MFHAS1: variants seen among roughly 807,000 people sequenced by gnomAD.
The protein encoded by MFHAS1 is multifunctional ROCO family signaling regulator 1, also known as malignant fibrous histiocytoma-amplified sequence 1.
Under a neutral mutation model 70.4 loss-of-function variants are expected in MFHAS1, and 50 were observed. The observed-to-expected ratio is 0.71, with a 90% confidence interval of 0.57 to 0.90. The LOEUF (loss-of-function observed/expected upper bound fraction) is 0.90, where lower values mean the gene tolerates loss of function less well. Ranked by LOEUF, MFHAS1 falls within the 40% of genes least tolerant of loss-of-function variation. The pLI, the probability that MFHAS1 is intolerant of heterozygous loss-of-function variation, is 0.00. For missense variants in MFHAS1, 1,795 were observed against 1,347.6 expected, an observed-to-expected ratio of 1.33 and a Z score of -5.20; for synonymous variants, 952 against 620.0, an observed-to-expected ratio of 1.54 and a Z score of -7.96.
chr8:8,888,198 G>A (rs1409145400), intron 1 of MFHAS1, among the ~76,000 whole-genome samples: 1 of 152,196 alleles, frequency 6.6e-6, no homozygotes, highest in Non-Finnish European at 1.5e-5. Context: ...TCAGTTGACT[G>A]GTAACTGAAT....
intron 1 of MFHAS1, among the ~76,000 whole-genome samples, chr8:8,867,306 T>C (rs1441850604): frequency 1.3e-5 from 2 of 152,128 alleles, no homozygotes; most frequent in African/African-American, 2.4e-5. Context: ...AAGTTAAAAA[T>C]ATACCCTCAC....
intron 1 of MFHAS1, among the ~76,000 whole-genome samples, chr8:8,858,732 T>C (rs1348824846): frequency 6.6e-6 from 1 of 151,912 alleles, no homozygotes; most frequent in East Asian, 1.9e-4. Context: ...GACCTGCATA[T>C]GAGATGAGCC....
intron 1 of MFHAS1, among the ~76,000 whole-genome samples, chr8:8,808,723 T>C (rs186362473): frequency 1.5e-4 from 23 of 152,334 alleles, no homozygotes; most frequent in African/African-American, 4.8e-4. Context: ...GAAAAAGACA[T>C]TACATTTGTG....
At chr8:8,865,228 G>C (rs1330686788) in intron 1 of MFHAS1, among the ~76,000 whole-genome samples, 3 of 123,986 alleles carry the variant, frequency 2.4e-5, no homozygotes, top group South Asian at 5.4e-4. Flanking sequence ...AGTAAGCCAA[G>C]ATTGTGCCAC....
intron 1 of MFHAS1, among the ~76,000 whole-genome samples, chr8:8,826,266 G>GTC (rs1024872007): frequency 6.6e-6 from 1 of 151,816 alleles, no homozygotes; most frequent in African/African-American, 2.4e-5. Flanking sequence ...GTGTGTGTGT[G>GTC]TGTGTGTGTG....
At chr8:8,880,101 C>T (rs758511021) in intron 1 of MFHAS1, among the ~76,000 whole-genome samples, 7 of 152,184 alleles carry the variant, frequency 4.6e-5, no homozygotes, top group Non-Finnish European at 7.3e-5. Flanking sequence ...GGCTTGGATG[C>T]CCTCCTTTCT....
At chr8:8,863,897 G>T (rs1808758282) in intron 1 of MFHAS1, among the ~76,000 whole-genome samples, 1 of 152,088 alleles carries the variant, frequency 6.6e-6, no homozygotes, top group Non-Finnish European at 1.5e-5. Context: ...AGATATCAAG[G>T]AGCTGAAACT....
intron 1 of MFHAS1, among the ~76,000 whole-genome samples, chr8:8,863,773 T>C (rs779705387): frequency 3.9e-5 from 6 of 152,164 alleles, no homozygotes; most frequent in Non-Finnish European, 7.3e-5. Context: ...ACTAATCTAT[T>C]AATATGCAGT....
intron 1 of MFHAS1, among the ~76,000 whole-genome samples, chr8:8,798,576 A>G (rs1805983582): frequency 6.6e-6 from 1 of 152,158 alleles, no homozygotes. Context: ...GCCTCAAGCA[A>G]TCCTCCCACC....
chr8:8,853,481 A>C (rs1808319901), intron 1 of MFHAS1, among the ~76,000 whole-genome samples: 1 of 151,660 alleles, frequency 6.6e-6, no homozygotes, highest in South Asian at 2.1e-4. Flanking sequence ...AAAAAAAAAA[A>C]AAAAAAAAAC....
chr8:8,853,444 G>A (rs1035503759), intron 1 of MFHAS1, among the ~76,000 whole-genome samples: 5 of 131,778 alleles, frequency 3.8e-5, no homozygotes, highest in African/African-American at 8.7e-5. Flanking sequence ...CTGGACAATC[G>A]CACAAGGTGT....
At chr8:8,838,541 G>A (rs1343749828) in intron 1 of MFHAS1, among the ~76,000 whole-genome samples, 4 of 152,104 alleles carry the variant, frequency 2.6e-5, no homozygotes, top group Non-Finnish European at 5.9e-5. Flanking sequence ...AGCTGGGCAC[G>A]TTGGCTCATG....
At chr8:8,889,927 C>G in intron 1 of MFHAS1, 134 bp downstream of exon 1, 1 of 708,058 alleles carries the variant, frequency 1.4e-6, no homozygotes, top group Non-Finnish European at 2.3e-6. Flanking sequence ...TCCAAATCTC[C>G]CTGTGTTTCC....
intron 1 of MFHAS1, among the ~76,000 whole-genome samples, chr8:8,800,711 A>G (rs551321300): frequency 1.3e-5 from 2 of 152,278 alleles, no homozygotes; most frequent in African/African-American, 2.4e-5. Flanking sequence ...ACACAGATGC[A>G]GCTTCTTTGG....
intron 1 of MFHAS1, among the ~76,000 whole-genome samples, chr8:8,821,346 T>C (rs1023768760): frequency 3.3e-5 from 5 of 152,254 alleles, no homozygotes; most frequent in Admixed American, 1.3e-4. Context: ...CCTGCATTTT[T>C]GGTTCTTGGA....
chr8:8,810,398 C>T (rs1199754009), intron 1 of MFHAS1, among the ~76,000 whole-genome samples: 3 of 152,146 alleles, frequency 2.0e-5, no homozygotes, highest in Non-Finnish European at 4.4e-5. Context: ...CGTATACAGT[C>T]AACTCCTGAA....
rs754668787 is a variant in MFHAS1, at chr8:8,892,178, G to C, written c.881C>G (p.Pro294Arg). Residue 294 changes from proline to arginine, a missense_variant, in exon 1 of 3, where the codon CCC becomes CGC. Coordinates refer to ENST00000276282, the MANE Select transcript of MFHAS1 (RefSeq NM_004225.3). This position sits in a 1 kb window ranked among gnomAD's most constrained non-coding sequence, Gnocchi z 4.7. ...LFEEFPAALL[P>R]LAGLEELYLS... ...GTAGAGCTCCTCCAGACCAGCCAGG[G>C]GCAGCAGCGCGGCAGGGAACTCCTC... The C allele has an allele frequency of 3.1e-6, 5 of 1,610,464 alleles. No homozygotes were observed. The South Asian group carries it at 5.5e-5, about 18-fold the overall frequency.
rs922695667 is a variant in MFHAS1 at position 8,893,115 on chromosome 8, G to A, written c.-57C>T. 195 of 1,273,478 alleles carry A rather than the reference G, an allele frequency of 1.5e-4. No homozygotes were observed. The South Asian group carries it at 2.4e-3, about 16-fold the overall frequency. The allele number at this position is 1,273,478 out of a possible 1,614,324, so 78.9% of individuals were successfully genotyped here. ...ACGCGGGAGCCCGCAGCTACATGCC[G>A]CGCCGCGCCCCGGGCCCTCCGGCTC... On this transcript the variant is annotated 5_prime_UTR_variant, in exon 1 of 3. Coordinates refer to ENST00000276282, the MANE Select transcript of MFHAS1 (RefSeq NM_004225.3).
intron 1 of MFHAS1, among the ~76,000 whole-genome samples, chr8:8,799,056 CA>C (rs57830251): frequency 0.36 from 50,150 of 138,144 alleles, 9,502 homozygotes; most frequent in African/African-American, 0.54. Context: ...TCAACAACAA[CA>C]AAAAAAAAAA....
Sources: allele counts gnomAD v4.1 joint callset (sites outside exome capture counted in the v4.1 genomes callset), GRCh38; gene constraint gnomAD v4.1.1; non-coding constraint Gnocchi (gnomAD v3.1); transcripts MANE v1.5; gene names NCBI Gene and HGNC (gene_info 2026-07-23, HGNC 2026-07-21).